ELOVL5: variants seen among roughly 807,000 people sequenced by gnomAD.
The protein encoded by ELOVL5 is very long chain fatty acid elongase 5.
In ELOVL5, 8 loss-of-function variants were observed where a neutral mutation model predicts 38.6. The observed-to-expected ratio is 0.21, with a 90% CI of 0.12 to 0.37. ELOVL5 has a LOEUF of 0.37. Ranked by LOEUF, ELOVL5 falls within the 10% of genes least tolerant of loss-of-function variation. The pLI, the probability that ELOVL5 is intolerant of heterozygous loss-of-function variation, is 1.00. For missense variants in ELOVL5, 280 were observed against 367.8 expected (o/e 0.76, Z 1.95); for synonymous variants, 127 against 133.7 (o/e 0.95, Z 0.34).
intron 1 of ELOVL5, among the ~76,000 whole-genome samples, chr6:53,314,381 C>T (rs1159148719): frequency 1.3e-5 from 2 of 152,034 alleles, no homozygotes; most frequent in African/African-American, 4.8e-5. Context: ...GGAGAGACAC[C>T]AACAGGTTCC....
chr6:53,304,254 T>C (rs1427792414), intron 1 of ELOVL5, among the ~76,000 whole-genome samples: 1 of 152,172 alleles, frequency 6.6e-6, no homozygotes, highest in Non-Finnish European at 1.5e-5. Flanking sequence ...ACGGACTAAA[T>C]CCTAGTTACA....
At chr6:53,296,940 T>C (rs1767025047) in intron 1 of ELOVL5, among the ~76,000 whole-genome samples, 3 of 152,236 alleles carry the variant, frequency 2.0e-5, no homozygotes, top group South Asian at 4.1e-4. Context: ...AATTTTAAGA[T>C]AAACTACTTT....
intron 1 of ELOVL5, among the ~76,000 whole-genome samples, chr6:53,334,919 T>C (rs1176758882): frequency 6.6e-6 from 1 of 152,106 alleles, no homozygotes; most frequent in African/African-American, 2.4e-5. Context: ...TTCTCCCAAA[T>C]CAGCACATTC....
At chr6:53,310,872 C>T (rs990385853) in intron 1 of ELOVL5, among the ~76,000 whole-genome samples, 1 of 152,178 alleles carries the variant, frequency 6.6e-6, no homozygotes, top group Non-Finnish European at 1.5e-5. Context: ...TCACAATACA[C>T]ACAGAAAAGA....
At chr6:53,321,989 CA>C (rs1768320715) in intron 1 of ELOVL5, among the ~76,000 whole-genome samples, 1 of 152,184 alleles carries the variant, frequency 6.6e-6, no homozygotes, top group South Asian at 2.1e-4. Flanking sequence ...CTGCATTCCA[CA>C]AAAACTCCCC....
intron 1 of ELOVL5, among the ~76,000 whole-genome samples, chr6:53,323,152 T>C (rs1768366935): frequency 6.6e-6 from 1 of 152,198 alleles, no homozygotes; most frequent in Non-Finnish European, 1.5e-5. Flanking sequence ...TAAGATTAAA[T>C]TTAACTGTCA....
intron 6 of ELOVL5, among the ~76,000 whole-genome samples, chr6:53,271,551 C>T (rs1280047439): frequency 6.6e-6 from 1 of 151,696 alleles, no homozygotes; most frequent in Admixed American, 6.6e-5. Context: ...TCCAGCTCAA[C>T]CCCTGCCCCT....
intron 7 of ELOVL5, among the ~76,000 whole-genome samples, chr6:53,269,660 A>G (rs545720493): frequency 6.0e-4 from 91 of 152,344 alleles, no homozygotes; most frequent in Admixed American, 1.3e-4. Flanking sequence ...TTCGTCTTCA[A>G]AAGTTCCTCA....
intron 4 of ELOVL5, 136 bp from the exon 5 acceptor site, chr6:53,275,397 C>A: frequency 1.3e-6 from 1 of 780,312 alleles, no homozygotes; most frequent in Non-Finnish European, 2.1e-6. Flanking sequence ...CTCTTAATGT[C>A]CATCAGTGGC....
At chr6:53,280,619 G>A (rs1766314188) in intron 3 of ELOVL5, among the ~76,000 whole-genome samples, 1 of 152,150 alleles carries the variant, frequency 6.6e-6, no homozygotes, top group Non-Finnish European at 1.5e-5. Flanking sequence ...TTGAGACAGG[G>A]CCTGGCTGTG....
rs79804195 is a variant in ELOVL5 at position 53,300,060 on chromosome 6, C to T, written c.-8-4353G>A. Among the ~76,000 whole-genome samples the T allele has an allele frequency of 7.9e-3, 1,195 of 152,226 alleles. 14 individuals are homozygous for T. Among genetic ancestry groups the T allele is most frequent in the African/African-American group, 0.024 (1,006 of 41,522 alleles). On this transcript the variant is annotated intron_variant, in intron 1 of 7. Coordinates refer to ENST00000304434, the MANE Select transcript of ELOVL5 (RefSeq NM_021814.5). ...AGAGGTAGGCCCTGGACAACAGGCC[C>T]TAATCAGGAGAGTCCTGAGCTGTGG...
intron 1 of ELOVL5, among the ~76,000 whole-genome samples, chr6:53,301,659 C>G (rs555616493): frequency 6.6e-6 from 1 of 152,200 alleles, no homozygotes; most frequent in Non-Finnish European, 1.5e-5. Flanking sequence ...TCTTCCAAAG[C>G]TATTCACTAG....
chr6:53,278,582 T>C (rs1414670317), intron 3 of ELOVL5, among the ~76,000 whole-genome samples: 2 of 152,212 alleles, frequency 1.3e-5, no homozygotes, highest in Non-Finnish European at 2.9e-5. Context: ...CTGTTGTCTT[T>C]GGAGTTTAGT....
At chr6:53,323,912 G>C (rs916379372) in intron 1 of ELOVL5, among the ~76,000 whole-genome samples, 4 of 152,144 alleles carry the variant, frequency 2.6e-5, no homozygotes, top group Non-Finnish European at 1.5e-5. Flanking sequence ...TAAGTAACAA[G>C]CTTTTCCCAT....
chr6:53,347,701 G>C (rs921820719), intron 1 of ELOVL5, among the ~76,000 whole-genome samples: 9 of 152,130 alleles, frequency 5.9e-5, no homozygotes, highest in Admixed American at 5.2e-4. Flanking sequence ...CCATGCACTG[G>C]ATTCTTCCGA....
At chr6:53,296,269 G>A (rs113742500) in intron 1 of ELOVL5, among the ~76,000 whole-genome samples, 16 of 152,028 alleles carry the variant, frequency 1.1e-4, no homozygotes, top group African/African-American at 9.7e-5. Flanking sequence ...CCCAAGCCAC[G>A]CATCACAAGG....
chr6:53,281,244 C>T (rs1414619924), intron 3 of ELOVL5, among the ~76,000 whole-genome samples: 1 of 152,178 alleles, frequency 6.6e-6, no homozygotes, highest in Non-Finnish European at 1.5e-5. Flanking sequence ...AATAGACTAT[C>T]CATACTCAAG....
intron 1 of ELOVL5, among the ~76,000 whole-genome samples, chr6:53,334,406 CTTAA>C (rs1237972910): frequency 6.6e-6 from 1 of 152,074 alleles, no homozygotes; most frequent in East Asian, 1.9e-4. Flanking sequence ...TTTATCTTTA[CTTAA>C]TTTATTTTAA....
intron 1 of ELOVL5, among the ~76,000 whole-genome samples, chr6:53,320,416 A>G (rs1393331374): frequency 2.0e-5 from 3 of 151,636 alleles, no homozygotes; most frequent in Non-Finnish European, 4.4e-5. Flanking sequence ...GGCTCACTGC[A>G]AGCTCCTCCC....
Sources: allele counts gnomAD v4.1 joint callset (sites outside exome capture counted in the v4.1 genomes callset), GRCh38; gene constraint gnomAD v4.1.1; transcripts MANE v1.5; gene names NCBI Gene and HGNC (gene_info 2026-07-23, HGNC 2026-07-21).